The following GUCY2C variants were observed in gnomAD, a reference collection of about 807,000 sequenced individuals.
GUCY2C encodes guanylyl cyclase C.
A neutral mutation model predicts 131.1 loss-of-function variants in GUCY2C; 118 were observed. The observed-to-expected ratio is 0.90, with a 90% confidence interval of 0.78 to 1.05. The LOEUF (loss-of-function observed/expected upper bound fraction) is 1.05. Ranked by LOEUF, GUCY2C falls within the 50% of genes least tolerant of loss-of-function variation. GUCY2C has a pLI of 0.00. For missense variants in GUCY2C, 1,161 were observed against 1,304.4 expected, an observed-to-expected ratio of 0.89 and a Z score of 1.69; for synonymous variants, 452 against 457.8, an observed-to-expected ratio of 0.99 and a Z score of 0.16.
chr12:14,651,898 CAGTG>C, intron 14 of GUCY2C, 57 bp downstream of exon 14: 1 of 886,608 alleles, frequency 1.1e-6, no homozygotes, highest in Non-Finnish European at 1.8e-6. Flanking sequence ...CCAGCAACCT[CAGTG>C]ATTAGAGGAA....
chr12:14,691,188 T>C (rs1213561805), intron 1 of GUCY2C, among the ~76,000 whole-genome samples: 1 of 152,218 alleles, frequency 6.6e-6, no homozygotes, highest in East Asian at 1.9e-4. Flanking sequence ...TCGAAAACAC[T>C]GATACTTTAT....
rs1434478907 is a variant in GUCY2C at position 14,643,725 on chromosome 12, T to C, written c.1798-19A>G. 6.2e-7 allele frequency: 1 copy of C among 1,604,938 alleles called. No homozygotes were observed. Among genetic ancestry groups the C allele is most frequent in the Non-Finnish European group, 8.5e-7 (1 of 1,175,318 alleles). ...ACATTCCCTGTAATTTTTTAGATGATAGAAAAACAGAAATGTGACACACTT... is the reference window on the plus strand; with the variant it reads ...ACATTCCCTGTAATTTTTTAGATGACAGAAAAACAGAAATGTGACACACTT... On this transcript the variant is annotated intron_variant, in intron 16 of 26. Transcript: ENST00000261170.
rs745542229 is a variant in GUCY2C at position 14,660,978 on chromosome 12, T to C, written c.1364+3A>G. On this transcript the variant is annotated splice_donor_region_variant and intron_variant, in intron 11 of 26. Transcript: ENST00000261170. The stretch of plus-strand genomic sequence containing the variant: ...AACACAGGCATGATAGAGGCGGCTG[T>C]ACCTGAGCATCAGGAGAGCGACGAG... 6.3e-7 allele frequency: 1 copy of C among 1,599,804 alleles called. No homozygotes were observed.
At chr12:14,687,880 G>A in intron 2 of GUCY2C, 71 bp downstream of exon 2, 2 of 829,064 alleles carry the variant, frequency 2.4e-6, no homozygotes, top group Non-Finnish European at 4.3e-6. Context: ...ATGGTCATGT[G>A]CCTACATTTC....
At chr12:14,667,762 C>CA (rs1017461506) in intron 10 of GUCY2C, among the ~76,000 whole-genome samples, 2 of 151,328 alleles carry the variant, frequency 1.3e-5, no homozygotes, top group African/African-American at 4.9e-5. Flanking sequence ...TAGAATAAAG[C>CA]AAAAAAAATC....
At position 14,613,045 on chromosome 12, in the gene GUCY2C, C is replaced by T; in HGVS notation, c.*72G>A. ...GAGGTCTCAGGAAAATGTAAGCTTT[C>T]AGGACACTTGAGGTCGCTGCCTCAG... On this transcript the variant is annotated 3_prime_UTR_variant, in exon 27 of 27. Transcript: ENST00000261170. This position sits in a 1 kb window ranked among gnomAD's most constrained non-coding sequence, Gnocchi z 4.9. 1 of 1,259,928 alleles carries T rather than the reference C, an allele frequency of 7.9e-7. No individual in the cohort carries two copies. The highest frequency in any genetic ancestry group is 1.1e-6 in the Non-Finnish European group (1 of 872,250). 78.0% of individuals were successfully genotyped at this position (1,259,928 alleles called of 1,614,324 possible).
intron 3 of GUCY2C, among the ~76,000 whole-genome samples, chr12:14,684,521 T>C: frequency 7.2e-5 from 1 of 13,916 alleles, no homozygotes; most frequent in Non-Finnish European, 1.6e-4. Flanking sequence ...TTTTCTCTTC[T>C]CTCTCCCTTC....
At position 14,674,770 on chromosome 12, in the gene GUCY2C, A is replaced by G. The variant is rs1361087697; in HGVS notation, c.949-10T>C. 2.5e-6 allele frequency: 4 copies of G among 1,592,262 alleles called. No homozygotes were observed. The highest frequency in any genetic ancestry group is 3.5e-5 in the Admixed American group (2 of 56,612). ...CAAAGTCTCGTTTTGTCTAAATAAA[A>G]AAGGAAAATATTAAAACGGGTCCTT... On this transcript the variant is annotated splice_polypyrimidine_tract_variant and intron_variant, in intron 7 of 26. Coordinates refer to ENST00000261170, the MANE Select transcript of GUCY2C (RefSeq NM_004963.4).
chr12:14,696,135 A>G, intron 1 of GUCY2C, 97 bp downstream of exon 1: 1 of 926,746 alleles, frequency 1.1e-6, no homozygotes, highest in Middle Eastern at 2.1e-4. Context: ...CCTTAGAGAA[A>G]GTTGTGTGAT....
At chr12:14,651,262 A>C (rs1238189567) in intron 15 of GUCY2C, 145 bp downstream of exon 15, 1 of 507,848 alleles carries the variant, frequency 2.0e-6, no homozygotes, top group Non-Finnish European at 3.5e-6. Context: ...GACTGAAAAA[A>C]TCTCGGGGAT....
At chr12:14,628,580 G>T in intron 20 of GUCY2C, 66 bp downstream of exon 20, 1 of 875,878 alleles carries the variant, frequency 1.1e-6, no homozygotes, top group South Asian at 1.3e-5. Context: ...AGGTGCCACT[G>T]AATGTCAACT....
chr12:14,625,065 C>T (rs972989719), intron 21 of GUCY2C, among the ~76,000 whole-genome samples: 1 of 152,150 alleles, frequency 6.6e-6, no homozygotes, highest in Non-Finnish European at 1.5e-5. Flanking sequence ...ATGGGTTCTG[C>T]CCTTCTATCA....
At chr12:14,629,079 C>G (rs972753617) in intron 19 of GUCY2C, among the ~76,000 whole-genome samples, 27 of 152,170 alleles carry the variant, frequency 1.8e-4, no homozygotes, top group Admixed American at 3.9e-4. Context: ...TCCATAACAA[C>G]CGTTTTAGTA....
chr12:14,691,096 G>C (rs1258337440), intron 1 of GUCY2C, among the ~76,000 whole-genome samples: 1 of 152,246 alleles, frequency 6.6e-6, no homozygotes, highest in Non-Finnish European at 1.5e-5. Flanking sequence ...TAAAGGTAGA[G>C]ACTTGTTCTT....
rs144658703 is a variant in GUCY2C, at chr12:14,623,155, C to T, written c.2409-958G>A. On this transcript the variant is annotated intron_variant, in intron 21 of 26. Transcript: ENST00000261170. ...TATGACTTCCCTAAGTTCCCACAGC[C>T]GATTAGGGACAGAGCCAGGGCTAGA... is the stretch of plus-strand genomic sequence containing the variant. Among the ~76,000 whole-genome samples the T allele has an allele frequency of 6.7e-3, 1,023 of 152,276 alleles. 6 individuals are homozygous for T. Among genetic ancestry groups the T allele is most frequent in the Middle Eastern group, 0.024 (7 of 294 alleles).
chr12:14,695,662 G>A (rs1460519787), intron 1 of GUCY2C, among the ~76,000 whole-genome samples: 1 of 150,062 alleles, frequency 6.7e-6, no homozygotes, highest in East Asian at 2.0e-4. Flanking sequence ...CTGGATAAAA[G>A]GCCCAGAGAA....
intron 10 of GUCY2C, 138 bp from the exon 11 acceptor site, chr12:14,661,200 G>A (rs1947860544): frequency 6.5e-6 from 4 of 615,326 alleles, no homozygotes; most frequent in Admixed American, 2.7e-5. Flanking sequence ...TTTCTCTCTG[G>A]TAATATAAGT....
intron 24 of GUCY2C, 142 bp downstream of exon 24, chr12:14,619,069 G>A (rs750587154): frequency 5.6e-5 from 31 of 552,856 alleles, no homozygotes; most frequent in Non-Finnish European, 8.8e-5. Flanking sequence ...GGATTGACAC[G>A]GGTTTGTGTT....
At chr12:14,681,222 C>A (rs1173714957) in intron 5 of GUCY2C, 134 bp downstream of exon 5, 1 of 729,644 alleles carries the variant, frequency 1.4e-6, no homozygotes, top group Non-Finnish European at 2.2e-6. Context: ...AATTATAGAT[C>A]TCCCAAAATA....
Sources: allele counts gnomAD v4.1 joint callset (sites outside exome capture counted in the v4.1 genomes callset), GRCh38; gene constraint gnomAD v4.1.1; non-coding constraint Gnocchi (gnomAD v3.1); transcripts MANE v1.5; gene names NCBI Gene and HGNC (gene_info 2026-07-23, HGNC 2026-07-21).